IQGAP2: variants seen among roughly 807,000 people sequenced by gnomAD.
IQGAP2 encodes IQ motif containing GTPase activating protein 2, also known as ras GTPase-activating-like protein IQGAP2.
In IQGAP2, 173 loss-of-function variants were observed where a neutral mutation model predicts 201.3. The ratio of observed to expected loss-of-function variants is 0.86; its 90% CI spans 0.76 to 0.98. The LOEUF (loss-of-function observed/expected upper bound fraction) is 0.98, where lower values mean the gene tolerates loss of function less well. IQGAP2 is among the 50% of genes least tolerant of loss of function. The pLI, the probability that IQGAP2 is intolerant of heterozygous loss-of-function variation, is 0.00. For missense variants in IQGAP2, 1,687 were observed against 1,864.8 expected, an observed-to-expected ratio of 0.90 and a Z score of 1.76; for synonymous variants, 675 against 673.9, an observed-to-expected ratio of 1.00 and a Z score of -0.03.
At chr5:76,485,182 G>T (rs2150149044) in intron 2 of IQGAP2, among the ~76,000 whole-genome samples, 1 of 152,226 alleles carries the variant, frequency 6.6e-6, no homozygotes, top group South Asian at 2.1e-4. Context: ...GTGCGAATGG[G>T]CACAGAGGGA....
intron 7 of IQGAP2, 67 bp from the exon 8 acceptor site, chr5:76,590,341 C>A: frequency 8.1e-7 from 1 of 1,231,188 alleles, no homozygotes; most frequent in South Asian, 1.5e-5. Flanking sequence ...TACACAGGGT[C>A]AATGCAACTG....
chr5:76,681,608 T>C (rs377579937), intron 28 of IQGAP2, among the ~76,000 whole-genome samples: 2 of 151,138 alleles, frequency 1.3e-5, no homozygotes, highest in East Asian at 1.9e-4. Flanking sequence ...TTGGTGGGAA[T>C]GTAAAATGGT....
chr5:76,618,158 G>A lies in IQGAP2; in HGVS notation c.1521+6975G>A, dbSNP rs144765328. Reference sequence around the variant, plus strand: ...AGCGGTTGATGCTGATGCAGGCAAGGAGCAGAATGGAGCAGTACATGTTGC... The same window carrying A: ...AGCGGTTGATGCTGATGCAGGCAAGAAGCAGAATGGAGCAGTACATGTTGC... On this transcript the variant is annotated intron_variant, in intron 13 of 35. Coordinates refer to ENST00000274364, the MANE Select transcript of IQGAP2 (RefSeq NM_006633.5). The A allele has an allele frequency of 1.5e-5, 24 of 1,614,062 alleles. No individual in the cohort carries two copies. In the African/African-American group the frequency reaches 3.1e-4, roughly 21 times the overall value.
intron 2 of IQGAP2, among the ~76,000 whole-genome samples, chr5:76,481,611 T>C (rs988060541): frequency 1.4e-4 from 21 of 152,322 alleles, no homozygotes; most frequent in Non-Finnish European, 2.5e-4. Flanking sequence ...CTTGAACTCC[T>C]GACCTCAGAT....
chr5:76,501,218 G>A (rs2150168646), intron 2 of IQGAP2, among the ~76,000 whole-genome samples: 1 of 152,226 alleles, frequency 6.6e-6, no homozygotes, highest in South Asian at 2.1e-4. Flanking sequence ...TGGTACTGGT[G>A]CCAGAAAATT....
chr5:76,416,866 T>C (rs1442420030), intron 1 of IQGAP2, among the ~76,000 whole-genome samples: 1 of 152,092 alleles, frequency 6.6e-6, no homozygotes, highest in Non-Finnish European at 1.5e-5. Flanking sequence ...TCTTACTCTA[T>C]CACCCAGGCT....
chr5:76,534,973 T>C (rs1718533304), intron 2 of IQGAP2, among the ~76,000 whole-genome samples: 1 of 152,200 alleles, frequency 6.6e-6, no homozygotes, highest in Non-Finnish European at 1.5e-5. Flanking sequence ...ATTTGTCCCT[T>C]GGGCAGGTGC....
intron 13 of IQGAP2, among the ~76,000 whole-genome samples, chr5:76,614,104 G>A (rs1197055617): frequency 6.6e-6 from 1 of 152,188 alleles, no homozygotes; most frequent in African/African-American, 2.4e-5. Context: ...CCACATGGGG[G>A]TTTGTCTTTG....
At chr5:76,618,357 C>T (rs752272876) in intron 13 of IQGAP2, 1 of 1,614,152 alleles carries the variant, frequency 6.2e-7, no homozygotes, top group South Asian at 1.1e-5. Flanking sequence ...GAAAAGCATC[C>T]ACAGGGTCAC....
At chr5:76,579,524 C>T (rs973534018) in intron 5 of IQGAP2, among the ~76,000 whole-genome samples, 1 of 151,972 alleles carries the variant, frequency 6.6e-6, no homozygotes, top group Admixed American at 6.6e-5. Flanking sequence ...CCCACCCCTG[C>T]CCCCCTTCCC....
intron 2 of IQGAP2, among the ~76,000 whole-genome samples, chr5:76,528,647 A>G (rs971585674): frequency 4.6e-5 from 7 of 152,238 alleles, no homozygotes; most frequent in East Asian, 1.9e-4. Flanking sequence ...TCTAGGTAAC[A>G]GAAATATCTG....
chr5:76,450,870 C>T (rs1753696174), intron 1 of IQGAP2, among the ~76,000 whole-genome samples: 2 of 152,166 alleles, frequency 1.3e-5, no homozygotes, highest in South Asian at 4.2e-4. Flanking sequence ...TCAACATATC[C>T]CCATTTGCAT....
intron 2 of IQGAP2, among the ~76,000 whole-genome samples, chr5:76,485,198 G>T (rs916706179): frequency 6.6e-6 from 1 of 152,166 alleles, no homozygotes; most frequent in African/African-American, 2.4e-5. Flanking sequence ...AGGGAAGAGA[G>T]CTGAGCCTAT....
Position 76,655,662 on chromosome 5 carries a change from T to A in IQGAP2, c.2320+659T>A, listed in dbSNP as rs144645144. On this transcript the variant is annotated intron_variant, in intron 20 of 35. Transcript: ENST00000274364. ...CGGGGTTTCACCATGTGTGCCAGGCTGGTCTTGAACCCCTGACCTCATGAT... is the reference window on the plus strand; with the variant it reads ...CGGGGTTTCACCATGTGTGCCAGGCAGGTCTTGAACCCCTGACCTCATGAT... Among the ~76,000 whole-genome samples, 1,452 of 152,280 alleles carry A rather than the reference T, an allele frequency of 9.5e-3. 22 individuals carry two copies. Among genetic ancestry groups the A allele is most frequent in the African/African-American group, 0.033 (1,354 of 41,550 alleles).
chr5:76,460,570 A>G (rs56022338), intron 1 of IQGAP2, among the ~76,000 whole-genome samples: 39,910 of 152,082 alleles, frequency 0.26, 6,279 homozygotes, highest in African/African-American at 0.44. Context: ...TGGGAGAGAC[A>G]TTAAGACCTG....
intron 1 of IQGAP2, among the ~76,000 whole-genome samples, chr5:76,438,019 T>TG (rs1211652295): frequency 0.021 from 2,425 of 118,170 alleles, 30 homozygotes; most frequent in Non-Finnish European, 0.031. Flanking sequence ...TTTTTTTTTT[T>TG]TTTTTTTTTT....
At chr5:76,700,646 G>A (rs535470050) in intron 33 of IQGAP2, among the ~76,000 whole-genome samples, 1 of 152,320 alleles carries the variant, frequency 6.6e-6, no homozygotes, top group South Asian at 2.1e-4. Context: ...GAAATGTGAG[G>A]TAATATTTAT....
chr5:76,508,998 C>A (rs1040218202), intron 2 of IQGAP2, among the ~76,000 whole-genome samples: 8 of 149,946 alleles, frequency 5.3e-5, no homozygotes, highest in African/African-American at 2.5e-5. Flanking sequence ...TCTGGGGGAG[C>A]CTTTTTGGTA....
chr5:76,646,495 T>A (rs1327864410), intron 17 of IQGAP2, among the ~76,000 whole-genome samples: 1 of 152,216 alleles, frequency 6.6e-6, no homozygotes, highest in Non-Finnish European at 1.5e-5. Context: ...GACAAGATCC[T>A]CGGATGATTT....
Sources: allele counts gnomAD v4.1 joint callset (sites outside exome capture counted in the v4.1 genomes callset), GRCh38; gene constraint gnomAD v4.1.1; transcripts MANE v1.5; gene names NCBI Gene and HGNC (gene_info 2026-07-23, HGNC 2026-07-21).